The following EPHA1 variants were observed in gnomAD, a reference collection of about 807,000 sequenced individuals.
EPHA1 encodes EPH receptor A1.
Under a neutral mutation model 110.1 loss-of-function variants are expected in EPHA1, and 92 were observed. That is an observed-to-expected ratio of 0.84 (90% CI 0.71 to 0.99). The LOEUF (loss-of-function observed/expected upper bound fraction) is 0.99. Ranked by LOEUF, EPHA1 falls within the 50% of genes least tolerant of loss-of-function variation. The pLI is 0.00. For missense variants in EPHA1, 1,204 were observed against 1,285.4 expected (o/e 0.94, Z 0.97); for synonymous variants, 500 against 516.1 (o/e 0.97, Z 0.42).
chr7:143,396,369 G>A lies in EPHA1; in HGVS notation c.1897+16C>T. The stretch of plus-strand genomic sequence containing the variant: ...CACATGGCGGGGGGCCTGCTGCGGT[G>A]CACAGCAGGACTCACCTTCTCCTAT... On this transcript the variant is annotated intron_variant, in intron 11 of 17. Transcript: ENST00000275815. The A allele has an allele frequency of 3.1e-6, 5 of 1,608,508 alleles. No individual in the cohort carries two copies. Among genetic ancestry groups the A allele is most frequent in the Non-Finnish European group, 4.2e-6 (5 of 1,178,354 alleles).
rs73154208 is a variant in EPHA1 at position 143,395,571 on chromosome 7, C to G, written c.1898-67G>C. 0.14 allele frequency: 207,053 copies of G among 1,518,504 alleles called. 14,612 individuals are homozygous for G. Among genetic ancestry groups the G allele is most frequent in the South Asian group, 0.21 (18,650 of 87,142 alleles). 94.1% of individuals were successfully genotyped at this position (1,518,504 alleles called of 1,614,324 possible). The stretch of plus-strand genomic sequence containing the variant: ...GGCTCCTCCAGGGGACAGGCAGCAA[C>G]CCCTCCAGTCCTCCGGCCCTTTTCT... On this transcript the variant is annotated intron_variant, in intron 11 of 17. Transcript: ENST00000275815. The surrounding 1 kb of genome is among the most constrained non-coding windows in gnomAD (Gnocchi z 4.7).
At position 143,395,161 on chromosome 7, in the gene EPHA1, G is replaced by A; in HGVS notation, c.2105C>T (p.Thr702Ile). The part of the protein sequence containing the change: ...VTKRKPIMII[T>I]EFMENGALDA... The stretch of plus-strand genomic sequence containing the variant: ...CAGGGCTCCATTCTCCATAAATTCT[G>A]TGATGATCATGATCGGCTTTCCTGA... Residue 702 changes from threonine to isoleucine, a missense_variant, in exon 13 of 18, where the codon ACA (threonine) becomes ATA (isoleucine). Physicochemically the swap from Thr to Ile is moderately conservative, Grantham distance 89. Coordinates refer to ENST00000275815, the MANE Select transcript of EPHA1 (RefSeq NM_005232.5). This position sits in a 1 kb window ranked among gnomAD's most constrained non-coding sequence, Gnocchi z 4.7. 2 of 1,613,810 alleles carry A rather than the reference G, an allele frequency of 1.2e-6. No individual in the cohort carries two copies. Among genetic ancestry groups the A allele is most frequent in the Non-Finnish European group, 1.7e-6 (2 of 1,180,026 alleles).
rs1024503845 is a variant in EPHA1, at chr7:143,395,882, C to T, written c.1898-378G>A. Among the ~76,000 whole-genome samples, 4 of 152,256 alleles carry T rather than the reference C, an allele frequency of 2.6e-5. No individual in the cohort carries two copies. The highest frequency in any genetic ancestry group is 9.6e-5 in the African/African-American group (4 of 41,472). On this transcript the variant is annotated intron_variant, in intron 11 of 17. Coordinates refer to ENST00000275815, the MANE Select transcript of EPHA1 (RefSeq NM_005232.5). This position sits in a 1 kb window ranked among gnomAD's most constrained non-coding sequence, Gnocchi z 4.7. ...GGCCGCCTCTCTTCTGTGAGCTCCT[C>T]TGGTCCCAGCTTGCCTGGCTCAGCT...
At chr7:143,394,388 C>T (rs1291409394) in intron 14 of EPHA1, 45 bp from the exon 15 acceptor site, 2 of 1,567,070 alleles carry the variant, frequency 1.3e-6, no homozygotes, top group Middle Eastern at 1.7e-4. Flanking sequence ...TGGTGTCCAC[C>T]TGAGCACGAG....
rs770181636 is a variant in EPHA1, at chr7:143,394,294, C to T, written c.2402G>A (p.Arg801Gln). Residue 801 changes from arginine (R) to glutamine (Q), a missense_variant, in exon 15 of 18, where the codon CGG (arginine) becomes CAG (glutamine). By Grantham distance (43) the Arg-to-Gln change is conservative. Transcript: ENST00000275815. ...RWTAPEAIAHRIFTTASDVWS... is the reference protein window; with the variant it reads ...RWTAPEAIAHQIFTTASDVWS... The stretch of plus-strand genomic sequence containing the variant: ...CACATCGCTGGCTGTGGTGAAGATC[C>T]GATGGGCAATGGCTTCAGGGGCTGT... 25 of 1,613,936 alleles carry T rather than the reference C, an allele frequency of 1.5e-5. No homozygotes were observed. Among genetic ancestry groups the T allele is most frequent in the Middle Eastern group, 1.6e-4 (1 of 6,084 alleles).
intron 8 of EPHA1, 33 bp downstream of exon 8, chr7:143,397,883 GTGTA>G (rs1563116909): frequency 1.2e-6 from 2 of 1,610,340 alleles, no homozygotes. Context: ...GAGGCAACAG[GTGTA>G]TGTGTGTTGG....
chr7:143,403,854 C>CTA (rs1476874296), intron 2 of EPHA1, among the ~76,000 whole-genome samples: 4 of 152,164 alleles, frequency 2.6e-5, no homozygotes, highest in Admixed American at 1.3e-4. Context: ...AATTATCTGT[C>CTA]TATAACCTTT....
chr7:143,402,014 T>G (rs7791765), intron 2 of EPHA1, among the ~76,000 whole-genome samples: 28,820 of 152,018 alleles, frequency 0.19, 2,909 homozygotes, highest in South Asian at 0.28. Context: ...AAGCTCACTA[T>G]AGCCTCAAAC....
chr7:143,394,778 A>C (rs1270200647), intron 14 of EPHA1, 30 bp downstream of exon 14: 1 of 1,612,410 alleles, frequency 6.2e-7, no homozygotes, highest in Non-Finnish European at 8.5e-7. Flanking sequence ...GGCAATGTGA[A>C]TGTGCACTGG....
In EPHA1 at chr7:143,405,324, C is replaced by T. The variant is rs149974864; in HGVS notation, c.150+2287G>A. Reference sequence around the variant, plus strand: ...CCCAGTTCCAGCAGTGACAGATGGGCGAGAGCCAGCTGTCCAGGATCAGCA... The same window carrying T: ...CCCAGTTCCAGCAGTGACAGATGGGTGAGAGCCAGCTGTCCAGGATCAGCA... On this transcript the variant is annotated intron_variant, in intron 2 of 17. Transcript: ENST00000275815. Among the ~76,000 whole-genome samples, 528 of 152,248 alleles carry T rather than the reference C, an allele frequency of 3.5e-3. 1 individual carries two copies. Among genetic ancestry groups the T allele is most frequent in the African/African-American group, 8.8e-3 (364 of 41,548 alleles).
At chr7:143,407,989 T>A in intron 1 of EPHA1, 1 of 208,734 alleles carries the variant, frequency 4.8e-6, no homozygotes, top group Non-Finnish European at 9.6e-6. Context: ...TGCTGCGTCC[T>A]GGGACACCCA....
chr7:143,399,362 G>A lies in EPHA1; in HGVS notation c.887C>T (p.Thr296Met), dbSNP rs749818737. ...CTCAGCAGTGCTCTGCTGGGGGCAC[G>A]TGAGACAATGGGGTGTGTCCATGTC... ...RMDMDTPHCL[T>M]CPQQSTAESE... is the part of the protein sequence containing the mutation. Residue 296 changes from threonine (T) to methionine (M), a missense_variant, in exon 5 of 18, where the codon ACG (threonine) becomes ATG (methionine). Coordinates refer to ENST00000275815, the MANE Select transcript of EPHA1 (RefSeq NM_005232.5). 1.6e-5 allele frequency: 25 copies of A among 1,610,874 alleles called. No homozygotes were observed. Among genetic ancestry groups the A allele is most frequent in the South Asian group, 1.5e-4 (14 of 90,658 alleles).
rs1446118228 is a variant in EPHA1, at chr7:143,394,898, G to GT, written c.2261dup (p.Asn754LysfsTer14). 4 of 1,614,058 alleles carry GT rather than the reference G, an allele frequency of 2.5e-6. No homozygotes were observed. The highest frequency in any genetic ancestry group is 3.4e-6 in the Non-Finnish European group (4 of 1,180,054). ...AGCACAGGTTTTGATTCACCAAGAT[G>GT]TTTCTGGCAGCCAGGTCCCGGTGGA... On this transcript the variant is annotated frameshift_variant, in exon 14 of 18. Coordinates refer to ENST00000275815, the MANE Select transcript of EPHA1 (RefSeq NM_005232.5). LOFTEE classifies it high-confidence loss of function.
intron 2 of EPHA1, among the ~76,000 whole-genome samples, chr7:143,405,499 A>G (rs1194879495): frequency 1.3e-5 from 2 of 151,980 alleles, no homozygotes; most frequent in Non-Finnish European, 2.9e-5. Flanking sequence ...GACAAGGTAG[A>G]TAGTGGGAGT....
Position 143,401,934 on chromosome 7 carries a change from A to T in EPHA1, c.151-329T>A, listed in dbSNP as rs1292754330. Among the ~76,000 whole-genome samples, 1 of 152,066 alleles carries T rather than the reference A, an allele frequency of 6.6e-6. No homozygotes were observed. The highest frequency in any genetic ancestry group is 1.5e-5 in the Non-Finnish European group (1 of 68,012). On this transcript the variant is annotated intron_variant, in intron 2 of 17. Transcript: ENST00000275815. This position sits in a 1 kb window ranked among gnomAD's most constrained non-coding sequence, Gnocchi z 4.1. ...TACAAAACCCTTCTGTTTCTTCAAG[A>T]GGATATTGGTGAATTTTTTGTTTTT...
intron 3 of EPHA1, 145 bp from the exon 4 acceptor site, chr7:143,400,198 G>A: frequency 1.0e-6 from 1 of 978,946 alleles, no homozygotes. Context: ...AGCATTTTAT[G>A]TGCATTATGC....
In EPHA1 at chr7:143,408,747, G is replaced by T. The variant is rs1462823087; in HGVS notation, c.59C>A (p.Pro20His). 2.9e-6 allele frequency: 3 copies of T among 1,051,028 alleles called. No homozygotes were observed. The highest frequency in any genetic ancestry group is 3.5e-4 in the Middle Eastern group (1 of 2,860). 65.1% of individuals were successfully genotyped at this position (1,051,028 alleles called of 1,614,324 possible). ...GLVLLLCAPLPPGARAKEVTL... is the reference protein window; with the variant it reads ...GLVLLLCAPLHPGARAKEVTL... ...ACCTTCCTTGGCGCGCGCCCCCGGG[G>T]GCAGCGGGGCGCAGAGCAGCAGCAC... is the stretch of plus-strand genomic sequence containing the variant. Residue 20 changes from proline (P) to histidine (H), a missense_variant, in exon 1 of 18, where the codon CCC becomes CAC. Pro to His is a moderately conservative substitution (Grantham distance 77, BLOSUM62 -2). Transcript: ENST00000275815.
chr7:143,397,897 G>A (rs368300129), intron 8 of EPHA1, 23 bp downstream of exon 8: 40 of 1,612,598 alleles, frequency 2.5e-5, no homozygotes, highest in Non-Finnish European at 3.2e-5. Flanking sequence ...ATGTGTGTTG[G>A]GGCAGAGCAC....
At chr7:143,396,652 G>T in intron 10 of EPHA1, 142 bp from the exon 11 acceptor site, 3 of 1,002,596 alleles carry the variant, frequency 3.0e-6, no homozygotes, top group South Asian at 1.7e-5. Flanking sequence ...TGAGGTGGGA[G>T]AAAGTCTCCA....
Sources: allele counts gnomAD v4.1 joint callset (sites outside exome capture counted in the v4.1 genomes callset), GRCh38; gene constraint gnomAD v4.1.1; non-coding constraint Gnocchi (gnomAD v3.1); transcripts MANE v1.5; gene names NCBI Gene and HGNC (gene_info 2026-07-23, HGNC 2026-07-21).